The following CNR1 variants were observed in gnomAD, a reference collection of about 807,000 sequenced individuals.
CNR1 encodes cannabinoid receptor 1, also known as cannabinoid receptor 1 (brain).
CNR1 carries 10 observed loss-of-function variants against 23.0 expected under a neutral mutation model. The observed-to-expected ratio is 0.43, with a 90% CI of 0.27 to 0.74. The LOEUF is 0.74. CNR1 is among the 30% of genes least tolerant of loss of function. The pLI is 0.19. For synonymous variants in CNR1, 271 were observed against 255.2 expected (o/e 1.06, Z -0.59); for missense variants, 422 against 618.8 (o/e 0.68, Z 3.37).
In CNR1 at chr6:88,145,041, A is replaced by G. The variant is rs749391013; in HGVS notation, c.234T>C (p.Ile78=). The G allele has an allele frequency of 1.5e-5, 25 of 1,614,006 alleles. No individual in the cohort carries two copies. The highest frequency in any genetic ancestry group is 6.6e-5 in the South Asian group (6 of 91,084). ...AGAGAGACTTGTTGTAAAATTCTGT[A>G]ATGTTCACCTGGTCTGCTGGGACTA... ...PQLVPADQVN[I]TEFYNKSLSS... Residue 78 remains isoleucine, a synonymous_variant, in exon 2 of 2, where the codon ATT becomes ATC. Transcript: ENST00000369501.
At chr6:88,164,634 T>C (rs532240830) in intron 1 of CNR1, among the ~76,000 whole-genome samples, 1 of 152,294 alleles carries the variant, frequency 6.6e-6, no homozygotes, top group East Asian at 1.9e-4. Context: ...TATCTTCCCT[T>C]GCAAACTGTC....
chr6:88,145,328 G>A lies in CNR1; in HGVS notation c.-54C>T, dbSNP rs1777121809. On this transcript the variant is annotated 5_prime_UTR_variant, in exon 2 of 2. Coordinates refer to ENST00000369501, the MANE Select transcript of CNR1 (RefSeq NM_016083.6). Reference sequence around the variant, plus strand: ...AAAATGACTGAGAAAGTGACCCACAGGGGGCAATCCTAAGAGGAGGGAAAA... The same window carrying A: ...AAAATGACTGAGAAAGTGACCCACAAGGGGCAATCCTAAGAGGAGGGAAAA... 2 of 1,442,746 alleles carry A rather than the reference G, an allele frequency of 1.4e-6. No homozygotes were observed. Among genetic ancestry groups the A allele is most frequent in the Non-Finnish European group, 1.9e-6 (2 of 1,049,484 alleles). The allele number at this position is 1,442,746 out of a possible 1,614,324, so 89.4% of individuals were successfully genotyped here.
chr6:88,166,432 G>C (rs116645661), upstream of CNR1: 1 of 152,296 alleles, frequency 6.6e-6, no homozygotes, highest in Non-Finnish European at 1.5e-5. Flanking sequence ...CAGCGGCGGC[G>C]GCACAGACCC....
intron 1 of CNR1, among the ~76,000 whole-genome samples, chr6:88,163,261 T>C (rs539509366): frequency 5.9e-5 from 9 of 152,346 alleles, no homozygotes; most frequent in African/African-American, 2.2e-4. Context: ...ATCTTTCATT[T>C]TGCTAGTTAT....
intron 1 of CNR1, among the ~76,000 whole-genome samples, chr6:88,162,228 T>A (rs2127771023): frequency 6.6e-6 from 1 of 152,308 alleles, no homozygotes; most frequent in Non-Finnish European, 1.5e-5. Context: ...CCCAAATTTG[T>A]AGTATTTATT....
chr6:88,156,684 A>T (rs2127764266), intron 1 of CNR1, among the ~76,000 whole-genome samples: 1 of 152,318 alleles, frequency 6.6e-6, no homozygotes, highest in South Asian at 2.1e-4. Context: ...AGAGCTGGGA[A>T]CTATCTTATA....
At chr6:88,153,726 T>G (rs191990523) in intron 1 of CNR1, among the ~76,000 whole-genome samples, 117 of 152,362 alleles carry the variant, frequency 7.7e-4, no homozygotes, top group African/African-American at 2.3e-3. Context: ...AAGAAAATAC[T>G]GTGCTAATGT....
chr6:88,162,818 C>T (rs1778173683), intron 1 of CNR1: 1 of 152,192 alleles, frequency 6.6e-6, no homozygotes. Flanking sequence ...CACAGTGTTT[C>T]AAACAATGTT....
At position 88,143,590 on chromosome 6, in the gene CNR1, G is replaced by C. The variant is rs988720620; in HGVS notation, c.*266C>G. 8 of 361,720 alleles carry C rather than the reference G, an allele frequency of 2.2e-5. No individual in the cohort carries two copies. In the South Asian group the frequency reaches 4.1e-4, roughly 18 times the overall value. 22.4% of individuals were successfully genotyped at this position (361,720 alleles called of 1,614,324 possible). On this transcript the variant is annotated 3_prime_UTR_variant, in exon 2 of 2. Coordinates refer to ENST00000369501, the MANE Select transcript of CNR1 (RefSeq NM_016083.6). The stretch of plus-strand genomic sequence containing the variant: ...TTAGACTTCCAATTGTGTAGCCAAA[G>C]GTTTCCCTCCTATTTCATTGAGACT...
At position 88,145,050 on chromosome 6, in the gene CNR1, C is replaced by T. The variant is rs768395909; in HGVS notation, c.225G>A (p.Gln75=). The change falls in exon 2 of 2, where the codon CAG becomes CAA. Residue 75 remains glutamine, a synonymous_variant. Transcript: ENST00000369501. ...GDNPQLVPAD[Q]VNITEFYNKS... The stretch of plus-strand genomic sequence containing the variant: ...TGTTGTAAAATTCTGTAATGTTCAC[C>T]TGGTCTGCTGGGACTAGCTGGGGGT... The T allele has an allele frequency of 2.5e-5, 40 of 1,614,042 alleles. No individual in the cohort carries two copies. The highest frequency in any genetic ancestry group is 1.8e-4 in the South Asian group (16 of 91,088).
At chr6:88,162,981 T>C (rs1460007794) in intron 1 of CNR1, 1 of 152,250 alleles carries the variant, frequency 6.6e-6, no homozygotes, top group African/African-American at 2.4e-5. Context: ...GGCATCCTTT[T>C]CAGCAGGGAA....
At position 88,140,882 on chromosome 6, in the gene CNR1, T is replaced by C. The variant is rs950803251; in HGVS notation, c.*2974A>G. On this transcript the variant is annotated 3_prime_UTR_variant, in exon 2 of 2. Coordinates refer to ENST00000369501, the MANE Select transcript of CNR1 (RefSeq NM_016083.6). ...TCTCAGATTCATATCCTTTCACATA[T>C]ATTTCATACAAAATAAATCAGAGGT... 3.9e-4 allele frequency: 59 copies of C among 152,434 alleles called. No individual in the cohort carries two copies. The highest frequency in any genetic ancestry group is 1.4e-3 in the African/African-American group (57 of 41,564). The allele number at this position is 152,434 out of a possible 1,614,324, so 9.4% of individuals were successfully genotyped here.
At position 88,140,774 on chromosome 6, in the gene CNR1, C is replaced by A. The variant is rs1776765920; in HGVS notation, c.*3082G>T. ...GATTTAGGCAGCAAAAGGTCCTTGG[C>A]ATTTAATACCAGATAGACTTAACTC... On this transcript the variant is annotated 3_prime_UTR_variant, in exon 2 of 2. Coordinates refer to ENST00000369501, the MANE Select transcript of CNR1 (RefSeq NM_016083.6). The A allele has an allele frequency of 6.6e-6, 1 of 152,328 alleles. No homozygotes were observed. The highest frequency in any genetic ancestry group is 1.5e-5 in the Non-Finnish European group (1 of 68,036). 9.4% of individuals were successfully genotyped at this position (152,328 alleles called of 1,614,324 possible). A position where few individuals can be genotyped will look rare whatever the true frequency, so the allele number is the denominator to read the frequency against.
At chr6:88,160,122 G>A (rs142176292) in intron 1 of CNR1, among the ~76,000 whole-genome samples, 2,382 of 152,124 alleles carry the variant, frequency 0.016, 67 homozygotes, top group African/African-American at 0.054. Flanking sequence ...GAGATCAGGA[G>A]TTCAAGACCA....
At position 88,139,974 on chromosome 6, in the gene CNR1, G is replaced by A. The variant is rs74934116; in HGVS notation, c.*3882C>T. 1.3e-5 allele frequency: 2 copies of A among 152,302 alleles called. No individual in the cohort carries two copies. Among genetic ancestry groups the A allele is most frequent in the Non-Finnish European group, 2.9e-5 (2 of 68,016 alleles). 9.4% of individuals were successfully genotyped at this position (152,302 alleles called of 1,614,324 possible). On this transcript the variant is annotated 3_prime_UTR_variant, in exon 2 of 2. Coordinates refer to ENST00000369501, the MANE Select transcript of CNR1 (RefSeq NM_016083.6). ...AATAAGTTAACAGTTTAATTACATT[G>A]AAATAAAATATACTGTGGGCTTAAT...
intron 1 of CNR1, among the ~76,000 whole-genome samples, chr6:88,156,892 C>T (rs1582364513): frequency 6.6e-6 from 1 of 152,334 alleles, no homozygotes; most frequent in East Asian, 1.9e-4. Flanking sequence ...AAACAACCAT[C>T]TGAAAAAGTG....
chr6:88,153,239 C>A (rs1356770464), intron 1 of CNR1, among the ~76,000 whole-genome samples: 5 of 152,108 alleles, frequency 3.3e-5, no homozygotes, highest in Admixed American at 2.6e-4. Flanking sequence ...AGCTAGCAAG[C>A]TATGGTATCA....
chr6:88,165,295 A>T (rs1778312076), intron 1 of CNR1, among the ~76,000 whole-genome samples: 1 of 152,246 alleles, frequency 6.6e-6, no homozygotes, highest in South Asian at 2.1e-4. Context: ...GGTTCCATCA[A>T]CATTCAATTT....
In CNR1 at chr6:88,144,071, T is replaced by C; in HGVS notation, c.1204A>G (p.Lys402Glu). 6.2e-7 allele frequency: 1 copy of C among 1,614,064 alleles called. No homozygotes were observed. Among genetic ancestry groups the C allele is most frequent in the African/African-American group, 1.3e-5 (1 of 75,002 alleles). ...CTCCGGAAAGCGTGTCGCAGGTCCT[T>C]ACTCCTCAGAGCATAGATGATGGGG... ...VNPIIYALRS[K>E]DLRHAFRSMF... The change falls in exon 2 of 2, where the codon AAG (lysine) becomes GAG (glutamate). Residue 402 changes from lysine to glutamate, a missense_variant. By Grantham distance (56) the Lys-to-Glu change is moderately conservative. Coordinates refer to ENST00000369501, the MANE Select transcript of CNR1 (RefSeq NM_016083.6). The surrounding 1 kb of genome is among the most constrained non-coding windows in gnomAD (Gnocchi z 7.8).
Sources: gnomAD v4.1 joint callset for allele counts (sites outside exome capture counted in the v4.1 genomes callset) on GRCh38, gnomAD v4.1.1 for gene constraint, Gnocchi (gnomAD v3.1) non-coding constraint, MANE v1.5 for transcripts, NCBI Gene and HGNC (gene_info 2026-07-23, HGNC 2026-07-21) for gene names.